Variants in SMARCAL1 observed in about 807,000 individuals in gnomAD.
The protein encoded by SMARCAL1 is SNF2 related chromatin remodeling annealing helicase 1, also known as ATP-driven annealing helicase.
Under a neutral mutation model 94.5 loss-of-function variants are expected in SMARCAL1, and 58 were observed. That is an observed-to-expected ratio of 0.61 (90% CI 0.50 to 0.76). SMARCAL1 has a LOEUF of 0.76. SMARCAL1 is among the 30% of genes least tolerant of loss of function. SMARCAL1 has a pLI of 0.00. For missense variants in SMARCAL1, 1,051 were observed against 1,177.9 expected (o/e 0.89, Z 1.58); for synonymous variants, 422 against 455.1 (o/e 0.93, Z 0.93).
chr2:216,473,880 A>C (rs1695014938), intron 14 of SMARCAL1, among the ~76,000 whole-genome samples: 1 of 152,152 alleles, frequency 6.6e-6, no homozygotes, highest in Admixed American at 6.5e-5. Context: ...TAACAGAAAA[A>C]CTTGTACACA....
At chr2:216,430,663 G>C (rs1422339678) in intron 7 of SMARCAL1, among the ~76,000 whole-genome samples, 1 of 152,186 alleles carries the variant, frequency 6.6e-6, no homozygotes, top group Non-Finnish European at 1.5e-5. Flanking sequence ...GGGGAAAAAG[G>C]AGAGAATGTG....
intron 14 of SMARCAL1, among the ~76,000 whole-genome samples, chr2:216,472,290 G>A (rs534051503): frequency 2.6e-5 from 4 of 152,244 alleles, no homozygotes; most frequent in African/African-American, 7.2e-5. Flanking sequence ...GGGAAGCAGC[G>A]GCTGCAGTGA....
intron 13 of SMARCAL1, among the ~76,000 whole-genome samples, chr2:216,465,479 C>T (rs199538443): frequency 6.6e-6 from 1 of 152,100 alleles, no homozygotes. Context: ...AGACAAATGT[C>T]AAAGTTTGTT....
At chr2:216,425,993 CT>C (rs1252336643) in intron 6 of SMARCAL1, among the ~76,000 whole-genome samples, 8 of 152,290 alleles carry the variant, frequency 5.3e-5, no homozygotes, top group African/African-American at 1.9e-4. Context: ...CTGTTATCAG[CT>C]GGAATTATAG....
In SMARCAL1 at chr2:216,451,003, A is replaced by T; in HGVS notation, c.2009A>T (p.Asn670Ile). The change falls in exon 12 of 18, where the codon AAT (asparagine) becomes ATT (isoleucine). Residue 670 changes from asparagine to isoleucine, a missense_variant. This residue lies in a region of SMARCAL1 where 642 missense variants were observed against 754.7 expected (regional missense o/e 0.85). Transcript: ENST00000357276. ...GTGGTGATTGCCCCAGGACGGATCA[A>T]TGCCAGGACCAGAGCTGCCCTGGAT... ...KIVVIAPGRINARTRAALDAA... is the reference protein window; with the variant it reads ...KIVVIAPGRIIARTRAALDAA... 1 of 1,614,238 alleles carries T rather than the reference A, an allele frequency of 6.2e-7. No homozygotes were observed. Among genetic ancestry groups the T allele is most frequent in the Non-Finnish European group, 8.5e-7 (1 of 1,180,032 alleles).
intron 3 of SMARCAL1, 185 bp from the exon 4 acceptor site, chr2:216,416,072 C>A (rs1225842427): frequency 1.2e-5 from 7 of 591,916 alleles, no homozygotes; most frequent in Non-Finnish European, 1.9e-5. Flanking sequence ...GATTCCACTA[C>A]ATGGAATAAA....
intron 4 of SMARCAL1, among the ~76,000 whole-genome samples, chr2:216,418,441 A>T (rs1268256795): frequency 2.0e-5 from 3 of 152,154 alleles, no homozygotes; most frequent in Non-Finnish European, 4.4e-5. Context: ...CCTTGCCATA[A>T]TTATGGATTT....
intron 14 of SMARCAL1, 140 bp downstream of exon 14, chr2:216,468,186 G>A: frequency 1.5e-6 from 1 of 688,434 alleles, no homozygotes; most frequent in Non-Finnish European, 2.6e-6. Flanking sequence ...AAGAGTTCTT[G>A]CTTGTAGAAC....
chr2:216,473,256 T>G (rs1208893495), intron 14 of SMARCAL1, among the ~76,000 whole-genome samples: 4 of 152,050 alleles, frequency 2.6e-5, no homozygotes, highest in African/African-American at 4.8e-5. Context: ...TGGAATATAA[T>G]GGAATATAAA....
chr2:216,457,775 G>A (rs1427589278), intron 12 of SMARCAL1, among the ~76,000 whole-genome samples: 1 of 152,128 alleles, frequency 6.6e-6, no homozygotes, highest in Non-Finnish European at 1.5e-5. Context: ...ACAATTAAAA[G>A]AACTAGAGAA....
chr2:216,466,356 A>G (rs182681595), intron 13 of SMARCAL1, among the ~76,000 whole-genome samples: 3 of 152,196 alleles, frequency 2.0e-5, no homozygotes, highest in South Asian at 2.1e-4. Flanking sequence ...CTCATTTCAC[A>G]TTTACAGCAT....
intron 11 of SMARCAL1, among the ~76,000 whole-genome samples, chr2:216,450,534 T>C (rs1441643581): frequency 6.6e-6 from 1 of 152,238 alleles, no homozygotes; most frequent in East Asian, 1.9e-4. Context: ...GTTTTTTGTT[T>C]GTTTTTTAAT....
intron 4 of SMARCAL1, among the ~76,000 whole-genome samples, chr2:216,419,887 G>A (rs888055670): frequency 1.3e-4 from 20 of 151,602 alleles, no homozygotes; most frequent in African/African-American, 4.1e-4. Context: ...AAAACTAACC[G>A]CATGTGGTGG....
At chr2:216,417,053 A>G (rs1055498852) in intron 4 of SMARCAL1, among the ~76,000 whole-genome samples, 2 of 152,154 alleles carry the variant, frequency 1.3e-5, no homozygotes, top group African/African-American at 4.8e-5. Flanking sequence ...CCCAGCTGCC[A>G]TTTCTACACC....
chr2:216,434,051 G>A lies in SMARCAL1; in HGVS notation c.1485+1183G>A, dbSNP rs1233044156. Among the ~76,000 whole-genome samples the A allele has an allele frequency of 2.6e-5, 4 of 151,150 alleles. No homozygotes were observed. In the South Asian group the frequency reaches 8.4e-4, roughly 32 times the overall value. On this transcript the variant is annotated intron_variant, in intron 8 of 17. Coordinates refer to ENST00000357276, the MANE Select transcript of SMARCAL1 (RefSeq NM_014140.4). ...AGACAGGGTCTCATTATGTTGCCCA[G>A]GCTGGTCTTGAACTCCTGAGGTCAA...
At chr2:216,436,429 A>C (rs1327399142) in intron 9 of SMARCAL1, among the ~76,000 whole-genome samples, 1 of 152,196 alleles carries the variant, frequency 6.6e-6, no homozygotes, top group Non-Finnish European at 1.5e-5. Context: ...GAGTATATTT[A>C]CATAACTCAC....
At chr2:216,423,495 A>G in intron 5 of SMARCAL1, 138 bp from the exon 6 acceptor site, 1 of 744,938 alleles carries the variant, frequency 1.3e-6, no homozygotes, top group Non-Finnish European at 2.4e-6. Flanking sequence ...CTGTATCCGC[A>G]GTGCTAGGTA....
At position 216,452,778 on chromosome 2, in the gene SMARCAL1, T is replaced by C. The variant is rs372012122; in HGVS notation, c.2070+1714T>C. 3.9e-5 allele frequency among the ~76,000 whole-genome samples: 6 copies of C among 152,318 alleles called. No individual in the cohort carries two copies. The South Asian group carries it at 6.2e-4, about 16-fold the overall frequency. On this transcript the variant is annotated intron_variant, in intron 12 of 17. Coordinates refer to ENST00000357276, the MANE Select transcript of SMARCAL1 (RefSeq NM_014140.4). ...CTTAGTGCAACAAGATCTGAAAGCA[T>C]TTTGTAAACTTCTGCCAACTTGTAT...
intron 4 of SMARCAL1, 72 bp downstream of exon 4, chr2:216,416,379 C>T: frequency 7.6e-7 from 1 of 1,315,200 alleles, no homozygotes; most frequent in Non-Finnish European, 1.1e-6. Flanking sequence ...CACATGTAGT[C>T]CAGCTTATGG....
Sources: allele counts gnomAD v4.1 joint callset (sites outside exome capture counted in the v4.1 genomes callset), GRCh38; gene constraint gnomAD v4.1.1; regional missense constraint gnomAD v4.1.1; transcripts MANE v1.5; gene names NCBI Gene and HGNC (gene_info 2026-07-23, HGNC 2026-07-21).